The following CMIP variants were observed in gnomAD, a reference collection of about 807,000 sequenced individuals.
The protein encoded by CMIP is c-Maf inducing protein, also known as C-Maf-inducing protein.
A neutral mutation model predicts 97.3 loss-of-function variants in CMIP; 13 were observed. The observed-to-expected ratio is 0.13, with a 90% CI of 0.09 to 0.21. The LOEUF is 0.21. Ranked by LOEUF, CMIP falls within the 10% of genes least tolerant of loss-of-function variation. The pLI, the probability that CMIP is intolerant of heterozygous loss-of-function variation, is 1.00. For missense variants in CMIP, 847 were observed against 1,024.9 expected, an observed-to-expected ratio of 0.83 and a Z score of 2.37; for synonymous variants, 538 against 436.3, an observed-to-expected ratio of 1.23 and a Z score of -2.91.
At chr16:81,490,101 C>G (rs1384439396) in intron 1 of CMIP, among the ~76,000 whole-genome samples, 2 of 152,140 alleles carry the variant, frequency 1.3e-5, no homozygotes, top group Non-Finnish European at 2.9e-5. Flanking sequence ...TGTAGTGTCC[C>G]AAGGAGCCTG....
intron 1 of CMIP, among the ~76,000 whole-genome samples, chr16:81,605,428 G>C (rs748418461): frequency 7.6e-4 from 116 of 152,192 alleles, no homozygotes; most frequent in Non-Finnish European, 1.3e-3. Context: ...CAGCCTGCAG[G>C]CTGTCCCCCT....
At chr16:81,588,299 C>T (rs1206610267) in intron 1 of CMIP, among the ~76,000 whole-genome samples, 1 of 152,154 alleles carries the variant, frequency 6.6e-6, no homozygotes, top group Non-Finnish European at 1.5e-5. Context: ...AAAGTAGATG[C>T]CTTTCTTCTC....
At chr16:81,529,877 C>T (rs992894610) in intron 1 of CMIP, among the ~76,000 whole-genome samples, 2 of 152,170 alleles carry the variant, frequency 1.3e-5, no homozygotes, top group Admixed American at 6.5e-5. Flanking sequence ...CTTGTGAGGC[C>T]GTGTTGGGCT....
intron 5 of CMIP, among the ~76,000 whole-genome samples, chr16:81,658,074 C>T (rs1408118087): frequency 1.3e-5 from 2 of 152,310 alleles, no homozygotes; most frequent in South Asian, 2.1e-4. Context: ...CTCCTTCCTG[C>T]GTCTCTGCCT....
intron 9 of CMIP, among the ~76,000 whole-genome samples, chr16:81,676,653 C>T (rs1280253085): frequency 6.6e-6 from 1 of 152,176 alleles, no homozygotes; most frequent in Non-Finnish European, 1.5e-5. Flanking sequence ...TGTTTATTTC[C>T]CCCAGCAAAG....
Position 81,616,295 on chromosome 16 carries a change from G to T in CMIP, c.427-4581G>T, listed in dbSNP as rs1202893672. On this transcript the variant is annotated intron_variant, in intron 2 of 20. Transcript: ENST00000537098. This position sits in a 1 kb window ranked among gnomAD's most constrained non-coding sequence, Gnocchi z 4.7. ...GGGTGTGGGCCGAGGGCTTGAAGAA[G>T]TGGCCGCCAGAAGCTTCAGGAGAGC... Among the ~76,000 whole-genome samples the T allele has an allele frequency of 2.0e-5, 3 of 152,140 alleles. No individual in the cohort carries two copies. Among genetic ancestry groups the T allele is most frequent in the Non-Finnish European group, 2.9e-5 (2 of 68,002 alleles).
At chr16:81,639,049 C>G (rs2092272001) in intron 3 of CMIP, among the ~76,000 whole-genome samples, 1 of 152,090 alleles carries the variant, frequency 6.6e-6, no homozygotes, top group Admixed American at 6.5e-5. Flanking sequence ...CAGGATTGTT[C>G]CTGTGTGTGT....
chr16:81,696,539 G>A, intron 13 of CMIP, 21 bp from the exon 14 acceptor site: 3 of 1,598,638 alleles, frequency 1.9e-6, no homozygotes, highest in Middle Eastern at 1.7e-4. Context: ...GCTCACACTT[G>A]TGTCTTCCCT....
chr16:81,577,139 C>T lies in CMIP; in HGVS notation c.301-30428C>T, dbSNP rs542066998. On this transcript the variant is annotated intron_variant, in intron 1 of 20. Coordinates refer to ENST00000537098, the MANE Select transcript of CMIP (RefSeq NM_198390.3). ...CCACCATCATAACTATCACCTTCAT[C>T]ACCACCATCATCCCCATTACCACTA... Among the ~76,000 whole-genome samples the T allele has an allele frequency of 4.8e-5, 7 of 146,526 alleles. No individual in the cohort carries two copies. In the East Asian group the frequency reaches 5.9e-4, roughly 12 times the overall value.
intron 1 of CMIP, among the ~76,000 whole-genome samples, chr16:81,504,563 AACC>A (rs2089670459): frequency 6.9e-6 from 1 of 145,134 alleles, no homozygotes; most frequent in Non-Finnish European, 1.5e-5. Flanking sequence ...GAATCGCTTG[AACC>A]CAGGAGATGG....
intron 3 of CMIP, among the ~76,000 whole-genome samples, chr16:81,623,061 G>T (rs1244733441): frequency 6.6e-6 from 1 of 152,160 alleles, no homozygotes; most frequent in East Asian, 1.9e-4. Context: ...AAAATTAGCC[G>T]GGCGTAGTGG....
At chr16:81,545,811 T>G (rs2090535887) in intron 1 of CMIP, among the ~76,000 whole-genome samples, 1 of 152,350 alleles carries the variant, frequency 6.6e-6, no homozygotes, top group South Asian at 2.1e-4. Context: ...CCCCAGGGTC[T>G]TTGCACAGGA....
At chr16:81,481,385 C>G (rs771924886) in intron 1 of CMIP, among the ~76,000 whole-genome samples, 1 of 152,174 alleles carries the variant, frequency 6.6e-6, no homozygotes, top group Admixed American at 6.5e-5. Flanking sequence ...AGGACAGGGC[C>G]GCTCAGGAAG....
chr16:81,562,388 C>T (rs964380726), intron 1 of CMIP, among the ~76,000 whole-genome samples: 2 of 152,258 alleles, frequency 1.3e-5, no homozygotes, highest in Non-Finnish European at 2.9e-5. Flanking sequence ...AATGCCTCAT[C>T]AGCATTCTCT....
At chr16:81,563,752 A>G (rs1389146985) in intron 1 of CMIP, among the ~76,000 whole-genome samples, 1 of 152,172 alleles carries the variant, frequency 6.6e-6, no homozygotes, top group Non-Finnish European at 1.5e-5. Flanking sequence ...ATGGGGCTTC[A>G]TGGTGCAGAG....
chr16:81,468,082 T>C (rs375366001), intron 1 of CMIP, among the ~76,000 whole-genome samples: 4 of 152,112 alleles, frequency 2.6e-5, no homozygotes, highest in African/African-American at 9.7e-5. Context: ...GTGGGGCTCC[T>C]GTGGTCCTCT....
intron 1 of CMIP, among the ~76,000 whole-genome samples, chr16:81,468,673 T>C (rs1245099746): frequency 6.6e-6 from 1 of 152,218 alleles, no homozygotes; most frequent in Non-Finnish European, 1.5e-5. Context: ...GGACAATCGG[T>C]TCCAGTGCCC....
At chr16:81,626,830 G>C (rs531125622) in intron 3 of CMIP, among the ~76,000 whole-genome samples, 1 of 137,866 alleles carries the variant, frequency 7.3e-6, no homozygotes, top group Non-Finnish European at 1.6e-5. Flanking sequence ...GTGCATATGG[G>C]GTGACTATTT....
intron 14 of CMIP, among the ~76,000 whole-genome samples, chr16:81,698,484 C>T (rs967775646): frequency 6.6e-6 from 1 of 152,214 alleles, no homozygotes; most frequent in Non-Finnish European, 1.5e-5. Context: ...ACGTCCCCTA[C>T]CCCATACATG....
Sources: gnomAD v4.1 joint callset for allele counts (sites outside exome capture counted in the v4.1 genomes callset) on GRCh38, gnomAD v4.1.1 for gene constraint, Gnocchi (gnomAD v3.1) non-coding constraint, MANE v1.5 for transcripts, NCBI Gene and HGNC (gene_info 2026-07-23, HGNC 2026-07-21) for gene names.